LRRC4C: variants seen among roughly 807,000 people sequenced by gnomAD.
LRRC4C encodes leucine rich repeat containing 4C, also known as leucine-rich repeat-containing protein 4C.
LRRC4C carries 5 observed loss-of-function variants against 33.6 expected under a neutral mutation model. The observed-to-expected ratio is 0.15, with a 90% confidence interval of 0.08 to 0.31. The LOEUF is 0.31. Ranked by LOEUF, LRRC4C falls within the 10% of genes least tolerant of loss-of-function variation. LRRC4C has a pLI of 1.00. For synonymous variants in LRRC4C, 329 were observed against 302.0 expected, an observed-to-expected ratio of 1.09 and a Z score of -0.93; for missense variants, 560 against 796.7, an observed-to-expected ratio of 0.70 and a Z score of 3.58.
intron 6 of LRRC4C, among the ~76,000 whole-genome samples, chr11:40,123,086 G>A (rs1055224392): frequency 2.0e-5 from 3 of 151,812 alleles, no homozygotes; most frequent in African/African-American, 7.3e-5. Flanking sequence ...TTTCTGTAAA[G>A]GGCCAGATAG....
At chr11:41,426,546 G>A (rs1027825889) in intron 1 of LRRC4C, 3 of 152,188 alleles carry the variant, frequency 2.0e-5, no homozygotes, top group Admixed American at 2.0e-4. Flanking sequence ...GTTTGCAAAG[G>A]CATTGTGATT....
At chr11:40,469,805 G>T (rs1952838270) in intron 3 of LRRC4C, among the ~76,000 whole-genome samples, 1 of 152,180 alleles carries the variant, frequency 6.6e-6, no homozygotes, top group South Asian at 2.1e-4. Flanking sequence ...GCTCGGCAAA[G>T]CTGCTGTAGC....
At position 41,273,398 on chromosome 11, in the gene LRRC4C, C is replaced by T. The variant is rs760701515; in HGVS notation, c.-496+186033G>A. On this transcript the variant is annotated intron_variant, in intron 1 of 6. Coordinates refer to ENST00000528697, the MANE Select transcript of LRRC4C (RefSeq NM_001258419.2). ...ATAATAAAATATGTGGATACAATGGCATATTATTCAGCCTTAAAAAATAAA... is the reference window on the plus strand; with the variant it reads ...ATAATAAAATATGTGGATACAATGGTATATTATTCAGCCTTAAAAAATAAA... Among the ~76,000 whole-genome samples the T allele has an allele frequency of 7.8e-4, 119 of 152,090 alleles. 1 individual carries two copies. Among genetic ancestry groups the T allele is most frequent in the Non-Finnish European group, 8.2e-4 (56 of 68,004 alleles).
intron 3 of LRRC4C, among the ~76,000 whole-genome samples, chr11:40,330,705 T>TA (rs1946322505): frequency 2.0e-5 from 3 of 152,058 alleles, no homozygotes; most frequent in Non-Finnish European, 4.4e-5. Context: ...CGTGAGAACT[T>TA]ACTCACTATC....
At chr11:40,971,389 G>T (rs1440074693) in intron 1 of LRRC4C, among the ~76,000 whole-genome samples, 2 of 152,184 alleles carry the variant, frequency 1.3e-5, no homozygotes, top group African/African-American at 4.8e-5. Context: ...CTTCAGAAGA[G>T]CAAGCTGTAA....
At chr11:40,961,443 G>T (rs1222273780) in intron 1 of LRRC4C, among the ~76,000 whole-genome samples, 1 of 151,666 alleles carries the variant, frequency 6.6e-6, no homozygotes, top group African/African-American at 2.4e-5. Context: ...TGAAATAAAA[G>T]TATTGCAAAC....
intron 1 of LRRC4C, among the ~76,000 whole-genome samples, chr11:41,127,231 A>C (rs1310594035): frequency 4.0e-5 from 6 of 150,332 alleles, no homozygotes; most frequent in African/African-American, 1.5e-4. Flanking sequence ...ATCTGAATAA[A>C]TTTTCTTTGA....
chr11:41,042,453 A>G (rs1857497249), intron 1 of LRRC4C, among the ~76,000 whole-genome samples: 2 of 152,204 alleles, frequency 1.3e-5, no homozygotes, highest in African/African-American at 4.8e-5. Flanking sequence ...TAAAAGTCAG[A>G]ACAAAAATGA....
intron 2 of LRRC4C, among the ~76,000 whole-genome samples, chr11:40,893,166 T>C (rs1165277614): frequency 6.6e-6 from 1 of 152,064 alleles, no homozygotes; most frequent in Non-Finnish European, 1.5e-5. Flanking sequence ...TTGTGGGAAC[T>C]AAAACTTTAA....
chr11:41,082,255 T>C (rs1374805533), intron 1 of LRRC4C, among the ~76,000 whole-genome samples: 1 of 152,188 alleles, frequency 6.6e-6, no homozygotes, highest in Non-Finnish European at 1.5e-5. Flanking sequence ...TACGTGAATG[T>C]TGACTGGTGG....
intron 2 of LRRC4C, among the ~76,000 whole-genome samples, chr11:40,699,237 C>T (rs1457620051): frequency 6.6e-6 from 1 of 152,160 alleles, no homozygotes; most frequent in African/African-American, 2.4e-5. Flanking sequence ...TCTTTATTCT[C>T]TTGATAGTCA....
intron 4 of LRRC4C, among the ~76,000 whole-genome samples, chr11:40,254,995 A>G (rs1247742295): frequency 1.3e-5 from 2 of 152,066 alleles, no homozygotes; most frequent in East Asian, 1.9e-4. Flanking sequence ...ATTTATTTCT[A>G]TAGTGACAGG....
intron 2 of LRRC4C, among the ~76,000 whole-genome samples, chr11:40,898,069 T>G (rs1053466546): frequency 2.0e-5 from 3 of 152,090 alleles, no homozygotes; most frequent in Admixed American, 2.0e-4. Context: ...GAAATATAAG[T>G]TGAGGCTGGG....
intron 3 of LRRC4C, among the ~76,000 whole-genome samples, chr11:40,524,069 C>T (rs59429156): frequency 0.057 from 8,728 of 152,162 alleles, 747 homozygotes; most frequent in African/African-American, 0.18. Context: ...ACTCAGAATC[C>T]GGATGGGAAA....
intron 1 of LRRC4C, among the ~76,000 whole-genome samples, chr11:41,366,319 G>A (rs948440266): frequency 2.6e-5 from 4 of 151,848 alleles, no homozygotes; most frequent in Admixed American, 2.0e-4. Context: ...TAGATATTTG[G>A]TTATCAACTG....
intron 3 of LRRC4C, among the ~76,000 whole-genome samples, chr11:40,485,114 A>G (rs1375448445): frequency 6.6e-6 from 1 of 152,168 alleles, no homozygotes; most frequent in African/African-American, 2.4e-5. Flanking sequence ...GCTCAAAATC[A>G]CAAGGTGTAT....
At chr11:41,068,213 T>G (rs2044975193) in intron 1 of LRRC4C, among the ~76,000 whole-genome samples, 1 of 152,008 alleles carries the variant, frequency 6.6e-6, no homozygotes, top group Non-Finnish European at 1.5e-5. Context: ...GCCAACGTGG[T>G]GAAACCCTGT....
intron 3 of LRRC4C, among the ~76,000 whole-genome samples, chr11:40,479,343 TC>T (rs1310720122): frequency 2.6e-5 from 4 of 152,312 alleles, no homozygotes; most frequent in African/African-American, 9.6e-5. Flanking sequence ...TGTACTGGGT[TC>T]TCTTTTAGGA....
At chr11:41,450,704 C>A (rs867178684) in intron 1 of LRRC4C, among the ~76,000 whole-genome samples, 5 of 152,056 alleles carry the variant, frequency 3.3e-5, no homozygotes, top group Admixed American at 6.6e-5. Flanking sequence ...GCTATTGTGT[C>A]AATTTTGTGG....
Sources: allele counts gnomAD v4.1 joint callset (sites outside exome capture counted in the v4.1 genomes callset), GRCh38; gene constraint gnomAD v4.1.1; transcripts MANE v1.5; gene names NCBI Gene and HGNC (gene_info 2026-07-23, HGNC 2026-07-21).